Variants in KIRREL3 observed in about 807,000 individuals in gnomAD.
KIRREL3 encodes the protein kin of IRRE-like protein 3.
In KIRREL3, 36 loss-of-function variants were observed where a neutral mutation model predicts 89.7. The ratio of observed to expected loss-of-function variants is 0.40; its 90% CI spans 0.31 to 0.53. The LOEUF is 0.53. Among genes scored for constraint, KIRREL3 ranks in the 20% least tolerant of loss-of-function variants. The probability of loss-of-function intolerance (pLI) is 0.49; values close to 1 mark genes in which losing one functional copy is unlikely to be tolerated. For synonymous variants in KIRREL3, 445 were observed against 441.4 expected (o/e 1.01, Z -0.10); for missense variants, 864 against 1,056.6 (o/e 0.82, Z 2.53).
At position 126,795,814 on chromosome 11, in the gene KIRREL3, T is replaced by G. The variant is rs1950791948; in HGVS notation, c.55+204641A>C. On this transcript the variant is annotated intron_variant, in intron 1 of 16. Transcript: ENST00000525144. The surrounding 1 kb of genome is among the most constrained non-coding windows in gnomAD (Gnocchi z 4.1). ...CAACCACCAGTTCTTCTTCCCCCTG[T>G]GCACCCCAAGAGCGTACATCAGCTC... 1.3e-5 allele frequency among the ~76,000 whole-genome samples: 2 copies of G among 152,152 alleles called. No homozygotes were observed. Among genetic ancestry groups the G allele is most frequent in the African/African-American group, 2.4e-5 (1 of 41,440 alleles).
chr11:126,792,691 G>A (rs1025458239), intron 1 of KIRREL3, among the ~76,000 whole-genome samples: 2 of 152,212 alleles, frequency 1.3e-5, no homozygotes, highest in Non-Finnish European at 1.5e-5. Flanking sequence ...TGCACACAAT[G>A]CGATTAACAA....
intron 4 of KIRREL3, among the ~76,000 whole-genome samples, chr11:126,504,535 A>C (rs562275139): frequency 6.6e-6 from 1 of 152,326 alleles, no homozygotes; most frequent in South Asian, 2.1e-4. Flanking sequence ...ACTAATAAAA[A>C]TCTTCCCATA....
chr11:126,633,005 T>C (rs1022699027), intron 1 of KIRREL3, among the ~76,000 whole-genome samples: 1 of 151,860 alleles, frequency 6.6e-6, no homozygotes, highest in Admixed American at 6.6e-5. Flanking sequence ...GGCAGGAGAA[T>C]CACTTGAACC....
At chr11:126,588,373 TG>T (rs1476194577) in intron 1 of KIRREL3, among the ~76,000 whole-genome samples, 2 of 149,608 alleles carry the variant, frequency 1.3e-5, no homozygotes, top group Admixed American at 1.4e-4. Context: ...AGGATTTTTT[TG>T]CATGTTAATA....
At chr11:126,638,829 C>T (rs888825040) in intron 1 of KIRREL3, among the ~76,000 whole-genome samples, 5 of 152,160 alleles carry the variant, frequency 3.3e-5, no homozygotes, top group Middle Eastern at 3.4e-3. Flanking sequence ...CTTCAAAAGC[C>T]GGCTAATGAC....
intron 1 of KIRREL3, among the ~76,000 whole-genome samples, chr11:126,629,273 G>T (rs1181444942): frequency 6.6e-6 from 1 of 152,186 alleles, no homozygotes; most frequent in Non-Finnish European, 1.5e-5. Flanking sequence ...GGACTGTGCT[G>T]CCTGCAGCCA....
intron 1 of KIRREL3, among the ~76,000 whole-genome samples, chr11:126,847,250 G>C (rs1308820951): frequency 6.6e-6 from 1 of 152,112 alleles, no homozygotes; most frequent in East Asian, 1.9e-4. Flanking sequence ...ACTGGTATGT[G>C]TTCCAAAATT....
At chr11:126,582,542 C>A (rs1206927525) in intron 1 of KIRREL3, among the ~76,000 whole-genome samples, 1 of 152,204 alleles carries the variant, frequency 6.6e-6, no homozygotes, top group Non-Finnish European at 1.5e-5. Flanking sequence ...CCATTTACCT[C>A]CCCAGTCTGA....
rs1946343506 is a variant in KIRREL3 at position 126,900,869 on chromosome 11, A to G, written c.55+99586T>C. On this transcript the variant is annotated intron_variant, in intron 1 of 16. Coordinates refer to ENST00000525144, the MANE Select transcript of KIRREL3 (RefSeq NM_032531.4). This position sits in a 1 kb window ranked among gnomAD's most constrained non-coding sequence, Gnocchi z 4.4. ...TTCAAAACAGTTGCAAGTTAACTCA[A>G]GTAACTGATTTTTTGTATGTAAAAC... Among the ~76,000 whole-genome samples the G allele has an allele frequency of 1.3e-5, 2 of 152,332 alleles. No individual in the cohort carries two copies. Among genetic ancestry groups the G allele is most frequent in the South Asian group, 4.1e-4 (2 of 4,830 alleles).
At position 126,708,216 on chromosome 11, in the gene KIRREL3, C is replaced by A. The variant is rs150312916; in HGVS notation, c.56-145304G>T. ...CATCTGCCTGTGCCGCTGCTTTTTC[C>A]TGGCAGTTTACAATGTTATATTGCT... On this transcript the variant is annotated intron_variant, in intron 1 of 16. Transcript: ENST00000525144. This position sits in a 1 kb window ranked among gnomAD's most constrained non-coding sequence, Gnocchi z 5.7. Among the ~76,000 whole-genome samples the A allele has an allele frequency of 4.8e-4, 73 of 152,308 alleles. No individual in the cohort carries two copies. Among genetic ancestry groups the A allele is most frequent in the Non-Finnish European group, 7.8e-4 (53 of 68,032 alleles).
In KIRREL3 at chr11:126,748,373, A is replaced by G. The variant is rs1391994605; in HGVS notation, c.56-185461T>C. 6.6e-6 allele frequency among the ~76,000 whole-genome samples: 1 copy of G among 152,242 alleles called. No individual in the cohort carries two copies. The highest frequency in any genetic ancestry group is 2.4e-5 in the African/African-American group (1 of 41,466). ...TCACCGCCTGATCAAGTCCCCACTT[A>G]AACAATAATCTTGCCATTGCATCTG... On this transcript the variant is annotated intron_variant, in intron 1 of 16. Coordinates refer to ENST00000525144, the MANE Select transcript of KIRREL3 (RefSeq NM_032531.4). This position sits in a 1 kb window ranked among gnomAD's most constrained non-coding sequence, Gnocchi z 4.6.
At position 126,830,789 on chromosome 11, in the gene KIRREL3, T is replaced by C. The variant is rs1347073104; in HGVS notation, c.55+169666A>G. 6.6e-6 allele frequency among the ~76,000 whole-genome samples: 1 copy of C among 152,230 alleles called. No individual in the cohort carries two copies. Among genetic ancestry groups the C allele is most frequent in the Non-Finnish European group, 1.5e-5 (1 of 68,044 alleles). On this transcript the variant is annotated intron_variant, in intron 1 of 16. Transcript: ENST00000525144. The surrounding 1 kb of genome is among the most constrained non-coding windows in gnomAD (Gnocchi z 4.9). ...CTCCCTGTGCCAAGGAGGGGTATCATTGTTTATGTCACTAATGACTACATC... is the reference window on the plus strand; with the variant it reads ...CTCCCTGTGCCAAGGAGGGGTATCACTGTTTATGTCACTAATGACTACATC...
In KIRREL3 at chr11:126,666,469, G is replaced by C. The variant is rs955090703; in HGVS notation, c.56-103557C>G. ...TTAGAGGATTGCTGAGCCTTCTAAG[G>C]GTTTACCAAGAAGGGACAAATCTAA... On this transcript the variant is annotated intron_variant, in intron 1 of 16. Coordinates refer to ENST00000525144, the MANE Select transcript of KIRREL3 (RefSeq NM_032531.4). The surrounding 1 kb of genome is among the most constrained non-coding windows in gnomAD (Gnocchi z 4.2). 6.6e-6 allele frequency among the ~76,000 whole-genome samples: 1 copy of C among 152,134 alleles called. No individual in the cohort carries two copies. Among genetic ancestry groups the C allele is most frequent in the Non-Finnish European group, 1.5e-5 (1 of 68,036 alleles).
intron 1 of KIRREL3, among the ~76,000 whole-genome samples, chr11:126,859,514 C>A (rs942039493): frequency 6.6e-6 from 1 of 152,038 alleles, no homozygotes; most frequent in African/African-American, 2.4e-5. Flanking sequence ...GGAAGCCAGG[C>A]CAATAGGAGG....
intron 6 of KIRREL3, among the ~76,000 whole-genome samples, chr11:126,457,141 T>A (rs35431258): frequency 6.6e-6 from 1 of 150,946 alleles, no homozygotes; most frequent in Admixed American, 6.6e-5. Flanking sequence ...CAGCGAGACA[T>A]GTACATAGAG....
At position 126,676,106 on chromosome 11, in the gene KIRREL3, GT is replaced by G. The variant is rs1946176361; in HGVS notation, c.56-113195del. Among the ~76,000 whole-genome samples, 1 of 152,166 alleles carries G rather than the reference GT, an allele frequency of 6.6e-6. No homozygotes were observed. The highest frequency in any genetic ancestry group is 1.5e-5 in the Non-Finnish European group (1 of 68,036). On this transcript the variant is annotated intron_variant, in intron 1 of 16. Coordinates refer to ENST00000525144, the MANE Select transcript of KIRREL3 (RefSeq NM_032531.4). The surrounding 1 kb of genome is among the most constrained non-coding windows in gnomAD (Gnocchi z 4.5). ...TTTGGGACATACTGAATTTCAGATG[GT>G]TTGGGGACATTCAGGTGTTTCATTG...
chr11:126,777,575 C>T (rs936244480), intron 1 of KIRREL3, among the ~76,000 whole-genome samples: 2 of 152,192 alleles, frequency 1.3e-5, no homozygotes, highest in Non-Finnish European at 2.9e-5. Flanking sequence ...GCCTCTTTCC[C>T]CACCATGTGT....
chr11:126,895,385 C>A (rs550227826), intron 1 of KIRREL3, among the ~76,000 whole-genome samples: 5 of 150,202 alleles, frequency 3.3e-5, no homozygotes, highest in Middle Eastern at 3.4e-3. Context: ...ATTGCTTGAA[C>A]CCGGGAGGCG....
At chr11:126,434,900 G>A (rs763197980) in intron 13 of KIRREL3, among the ~76,000 whole-genome samples, 9 of 152,142 alleles carry the variant, frequency 5.9e-5, no homozygotes, top group Non-Finnish European at 1.0e-4. Context: ...GGGAAGGGTC[G>A]GAGAGAGCCT....
Sources: gnomAD v4.1 joint callset for allele counts (sites outside exome capture counted in the v4.1 genomes callset) on GRCh38, gnomAD v4.1.1 for gene constraint, Gnocchi (gnomAD v3.1) non-coding constraint, MANE v1.5 for transcripts, NCBI Gene and HGNC (gene_info 2026-07-23, HGNC 2026-07-21) for gene names.